The following CADPS variants were observed in gnomAD, a reference collection of about 807,000 sequenced individuals.
CADPS encodes the protein calcium-dependent secretion activator 1.
Under a neutral mutation model 167.3 loss-of-function variants are expected in CADPS, and 57 were observed. The observed-to-expected ratio is 0.34, with a 90% confidence interval of 0.28 to 0.42. The LOEUF (loss-of-function observed/expected upper bound fraction) is 0.42. Among genes scored for constraint, CADPS ranks in the 20% least tolerant of loss-of-function variants. CADPS has a pLI of 1.00. For missense variants in CADPS, 1,414 were observed against 1,738.1 expected (o/e 0.81, Z 3.32); for synonymous variants, 676 against 635.3 (o/e 1.06, Z -0.96).
intron 12 of CADPS, among the ~76,000 whole-genome samples, chr3:62,535,047 T>C (rs1452565247): frequency 6.6e-6 from 1 of 152,002 alleles, no homozygotes; most frequent in East Asian, 1.9e-4. Context: ...TTGGAAATAA[T>C]ATACCTCAAA....
At chr3:62,472,897 C>G (rs538507678) in intron 24 of CADPS, among the ~76,000 whole-genome samples, 5 of 152,342 alleles carry the variant, frequency 3.3e-5, no homozygotes, top group African/African-American at 1.2e-4. Context: ...TACTGAGTAT[C>G]CAGATCAGTG....
intron 3 of CADPS, among the ~76,000 whole-genome samples, chr3:62,729,659 T>A (rs936362733): frequency 4.6e-5 from 7 of 151,910 alleles, no homozygotes; most frequent in African/African-American, 1.7e-4. Flanking sequence ...AGAATTAAGT[T>A]GTCTGATACA....
intron 11 of CADPS, among the ~76,000 whole-genome samples, chr3:62,540,517 A>G (rs1274180421): frequency 6.6e-6 from 1 of 152,072 alleles, no homozygotes; most frequent in Non-Finnish European, 1.5e-5. Flanking sequence ...GGGGATTCAG[A>G]TGGTATCTTG....
In CADPS at chr3:62,645,664, A is replaced by G. The variant is rs2068390630; in HGVS notation, c.1325+58T>C. The G allele has an allele frequency of 7.5e-6, 12 of 1,596,568 alleles. No individual in the cohort carries two copies. In the South Asian group the frequency reaches 1.0e-4, roughly 14 times the overall value. ...CAGATCTTTACCTTGGAGTTGGCCA[A>G]AATGGAACTAATGGCAGCAACCCTC... On this transcript the variant is annotated intron_variant, in intron 6 of 29. Coordinates refer to ENST00000383710, the MANE Select transcript of CADPS (RefSeq NM_003716.4).
intron 1 of CADPS, among the ~76,000 whole-genome samples, chr3:62,768,824 A>G (rs1404532013): frequency 6.6e-6 from 1 of 152,226 alleles, no homozygotes; most frequent in Admixed American, 6.5e-5. Context: ...AACTTCAGGA[A>G]CATTAATTTT....
At chr3:62,831,596 T>C (rs984707119) in intron 1 of CADPS, among the ~76,000 whole-genome samples, 6 of 152,162 alleles carry the variant, frequency 3.9e-5, no homozygotes, top group Non-Finnish European at 7.3e-5. Context: ...ACACAGGTAT[T>C]TGTAAAAATT....
chr3:62,419,632 C>A (rs905344368), intron 28 of CADPS, among the ~76,000 whole-genome samples: 1 of 152,070 alleles, frequency 6.6e-6, no homozygotes, highest in Non-Finnish European at 1.5e-5. Flanking sequence ...AAGGATTCAG[C>A]GTATGAACTG....
intron 1 of CADPS, among the ~76,000 whole-genome samples, chr3:62,802,182 G>T (rs181054555): frequency 6.6e-6 from 1 of 152,190 alleles, no homozygotes; most frequent in East Asian, 1.9e-4. Context: ...TAGTATTATG[G>T]AGTGTGGACA....
At chr3:62,788,813 A>T (rs1385242323) in intron 1 of CADPS, among the ~76,000 whole-genome samples, 1 of 152,252 alleles carries the variant, frequency 6.6e-6, no homozygotes, top group East Asian at 1.9e-4. Context: ...GGAAAGCAGG[A>T]TTTTGCCCAT....
chr3:62,601,336 T>C lies in CADPS; in HGVS notation c.1326-8588A>G, dbSNP rs1006660826. On this transcript the variant is annotated intron_variant, in intron 6 of 29. Transcript: ENST00000383710. The surrounding 1 kb of genome is among the most constrained non-coding windows in gnomAD (Gnocchi z 4.3). Reference sequence around the variant, plus strand: ...GTGCAGCAATGGCAGAATTGAGTAGTTATGACAGAGAATATAGGGCCAACA... The same window carrying C: ...GTGCAGCAATGGCAGAATTGAGTAGCTATGACAGAGAATATAGGGCCAACA... Among the ~76,000 whole-genome samples, 1 of 152,210 alleles carries C rather than the reference T, an allele frequency of 6.6e-6. No individual in the cohort carries two copies. Among genetic ancestry groups the C allele is most frequent in the Non-Finnish European group, 1.5e-5 (1 of 68,048 alleles).
At chr3:62,811,589 CCTAAGA>C (rs2094397516) in intron 1 of CADPS, among the ~76,000 whole-genome samples, 1 of 152,198 alleles carries the variant, frequency 6.6e-6, no homozygotes, top group Non-Finnish European at 1.5e-5. Context: ...CTTAAGGCTT[CCTAAGA>C]CCTTCTCCAG....
chr3:62,744,862 C>A (rs1213896333), intron 3 of CADPS, among the ~76,000 whole-genome samples: 1 of 152,224 alleles, frequency 6.6e-6, no homozygotes, highest in African/African-American at 2.4e-5. Context: ...CTCTCAATTT[C>A]TACTTTCCAT....
At chr3:62,626,732 A>G (rs937206205) in intron 6 of CADPS, among the ~76,000 whole-genome samples, 3 of 152,184 alleles carry the variant, frequency 2.0e-5, no homozygotes, top group Non-Finnish European at 4.4e-5. Flanking sequence ...AGTTATTTTT[A>G]TGGCTACTCT....
chr3:62,791,387 C>T (rs1320468669), intron 1 of CADPS, among the ~76,000 whole-genome samples: 1 of 152,190 alleles, frequency 6.6e-6, no homozygotes, highest in Non-Finnish European at 1.5e-5. Flanking sequence ...GCTCAGGTTA[C>T]AGCCTTGCTA....
At chr3:62,445,698 CA>C (rs1346644922) in intron 27 of CADPS, 66 bp downstream of exon 27, 3 of 970,706 alleles carry the variant, frequency 3.1e-6, no homozygotes, top group Non-Finnish European at 2.7e-6. Flanking sequence ...CTCATGAAAA[CA>C]AAAAGTAAAA....
rs549272649 is a variant in CADPS at position 62,640,915 on chromosome 3, G to A, written c.1325+4807C>T. The stretch of plus-strand genomic sequence containing the variant: ...TTTTGGAATATATTTTCTACTCAGG[G>A]AATATGTCAGGTTTCTTTACATCAT... On this transcript the variant is annotated intron_variant, in intron 6 of 29. Coordinates refer to ENST00000383710, the MANE Select transcript of CADPS (RefSeq NM_003716.4). Among the ~76,000 whole-genome samples the A allele has an allele frequency of 1.4e-4, 22 of 151,874 alleles. No homozygotes were observed. The South Asian group carries it at 4.0e-3, about 27-fold the overall frequency.
intron 13 of CADPS, among the ~76,000 whole-genome samples, chr3:62,530,134 G>T (rs934773049): frequency 6.6e-6 from 1 of 152,070 alleles, no homozygotes; most frequent in African/African-American, 2.4e-5. Context: ...TTTGGTAATA[G>T]AATTTATCTT....
intron 6 of CADPS, among the ~76,000 whole-genome samples, chr3:62,639,751 T>C (rs1423931933): frequency 6.6e-6 from 1 of 152,178 alleles, no homozygotes; most frequent in Non-Finnish European, 1.5e-5. Flanking sequence ...ACCCTTTGCG[T>C]GGCCCCTAAG....
rs1033780640 is a variant in CADPS, at chr3:62,672,809, G to A, written c.889-10415C>T. ...TGATTTTTGTATTTTTCGTAGAGAC[G>A]GGGTCATGCTACGTTGCCCAGGCTG... On this transcript the variant is annotated intron_variant, in intron 3 of 29. Transcript: ENST00000383710. 3.5e-4 allele frequency among the ~76,000 whole-genome samples: 53 copies of A among 152,164 alleles called. No individual in the cohort carries two copies. In the Middle Eastern group the frequency reaches 0.017, roughly 49 times the overall value.
Sources: allele counts gnomAD v4.1 joint callset (sites outside exome capture counted in the v4.1 genomes callset), GRCh38; gene constraint gnomAD v4.1.1; non-coding constraint Gnocchi (gnomAD v3.1); transcripts MANE v1.5; gene names NCBI Gene and HGNC (gene_info 2026-07-23, HGNC 2026-07-21).